The following ARHGEF28 variants were observed in gnomAD, a reference collection of about 807,000 sequenced individuals.
ARHGEF28 encodes 190 kDa guanine nucleotide exchange factor.
In ARHGEF28, 152 loss-of-function variants were observed where a neutral mutation model predicts 206.6. The ratio of observed to expected loss-of-function variants is 0.74; its 90% CI spans 0.64 to 0.84. The LOEUF (loss-of-function observed/expected upper bound fraction) is 0.84. Ranked by LOEUF, ARHGEF28 falls within the 40% of genes least tolerant of loss-of-function variation. The probability of loss-of-function intolerance (pLI) is 0.00; values close to 1 mark genes in which losing one functional copy is unlikely to be tolerated. For synonymous variants in ARHGEF28, 763 were observed against 776.4 expected (o/e 0.98, Z 0.29); for missense variants, 2,028 against 2,073.2 (o/e 0.98, Z 0.42).
chr5:73,884,696 C>T (rs565761185), intron 24 of ARHGEF28, among the ~76,000 whole-genome samples: 10 of 152,214 alleles, frequency 6.6e-5, no homozygotes, highest in Non-Finnish European at 1.0e-4. Flanking sequence ...TCAGTTATCT[C>T]CACTACGAAA....
At chr5:73,856,254 T>C (rs1759026581) in intron 14 of ARHGEF28, among the ~76,000 whole-genome samples, 1 of 152,194 alleles carries the variant, frequency 6.6e-6, no homozygotes, top group African/African-American at 2.4e-5. Context: ...AGCATGGAAG[T>C]AGAAAGGAAA....
At chr5:73,869,855 A>G (rs999285170) in intron 20 of ARHGEF28, among the ~76,000 whole-genome samples, 2 of 152,006 alleles carry the variant, frequency 1.3e-5, no homozygotes, top group Non-Finnish European at 2.9e-5. Context: ...TTGCAGTGAG[A>G]CGAGATCGCG....
At chr5:73,924,023 A>G (rs367482) in intron 35 of ARHGEF28, among the ~76,000 whole-genome samples, 43,973 of 152,030 alleles carry the variant, frequency 0.29, 8,422 homozygotes, top group African/African-American at 0.54. Flanking sequence ...ATGACCAAGA[A>G]CTGAATCAGA....
chr5:73,675,601 C>T (rs921220634), intron 1 of ARHGEF28, among the ~76,000 whole-genome samples: 1 of 151,362 alleles, frequency 6.6e-6, no homozygotes, highest in Non-Finnish European at 1.5e-5. Context: ...GGCGTGGTGA[C>T]GGGTGCCTGT....
chr5:73,744,993 T>G (rs562927945), intron 2 of ARHGEF28, among the ~76,000 whole-genome samples: 2 of 152,142 alleles, frequency 1.3e-5, no homozygotes, highest in East Asian at 1.9e-4. Context: ...TCAGAGGTCC[T>G]CAAACTGTCT....
At chr5:73,715,300 T>C (rs1225692676) in intron 2 of ARHGEF28, among the ~76,000 whole-genome samples, 1 of 152,198 alleles carries the variant, frequency 6.6e-6, no homozygotes, top group East Asian at 1.9e-4. Flanking sequence ...GACTCAATTG[T>C]GGTTGCCCCT....
chr5:73,803,641 T>C (rs1166299568), intron 9 of ARHGEF28: 2 of 155,250 alleles, frequency 1.3e-5, no homozygotes, highest in African/African-American at 2.4e-5. Context: ...GCCACTGCTG[T>C]CAGAATCTAT....
intron 1 of ARHGEF28, among the ~76,000 whole-genome samples, chr5:73,666,163 G>A (rs549934526): frequency 6.3e-4 from 96 of 152,300 alleles, no homozygotes; most frequent in Middle Eastern, 3.4e-3. Flanking sequence ...ACCTGCTCCT[G>A]AGTAAGTCTA....
chr5:73,840,457 A>T, intron 10 of ARHGEF28, 23 bp from the exon 11 acceptor site: 1 of 1,605,248 alleles, frequency 6.2e-7, no homozygotes, highest in Non-Finnish European at 8.5e-7. Flanking sequence ...TTACTCAGGA[A>T]ATGTTTTTCT....
At chr5:73,939,294 G>C (rs1742432163) in intron 35 of ARHGEF28, among the ~76,000 whole-genome samples, 1 of 152,178 alleles carries the variant, frequency 6.6e-6, no homozygotes, top group African/African-American at 2.4e-5. Flanking sequence ...CCTGTGCTCT[G>C]TAAATGGTGG....
intron 21 of ARHGEF28, among the ~76,000 whole-genome samples, chr5:73,872,659 T>A (rs762921244): frequency 2.3e-4 from 35 of 152,178 alleles, no homozygotes; most frequent in Non-Finnish European, 3.2e-4. Context: ...CAAACTAAGT[T>A]GTATTTCATA....
intron 2 of ARHGEF28, among the ~76,000 whole-genome samples, chr5:73,704,185 C>T (rs1306233005): frequency 2.0e-5 from 3 of 152,096 alleles, no homozygotes; most frequent in Non-Finnish European, 2.9e-5. Flanking sequence ...ACTATGTTGT[C>T]CTCATGATGT....
At chr5:73,937,748 G>T (rs1389255581) in intron 35 of ARHGEF28, among the ~76,000 whole-genome samples, 1 of 152,136 alleles carries the variant, frequency 6.6e-6, no homozygotes, top group Non-Finnish European at 1.5e-5. Context: ...AGTCAGTGAG[G>T]TTTAATATTA....
chr5:73,851,837 T>C (rs544275695), intron 13 of ARHGEF28, among the ~76,000 whole-genome samples: 25 of 152,314 alleles, frequency 1.6e-4, no homozygotes, highest in African/African-American at 6.0e-4. Context: ...CAACATTTGA[T>C]ATTACCCATT....
chr5:73,787,936 C>T (rs1315971149), intron 7 of ARHGEF28, among the ~76,000 whole-genome samples: 2 of 152,104 alleles, frequency 1.3e-5, no homozygotes, highest in East Asian at 3.8e-4. Flanking sequence ...ATTCTCCTCA[C>T]CACTTAGTTT....
intron 2 of ARHGEF28, among the ~76,000 whole-genome samples, chr5:73,746,525 A>G (rs1751725734): frequency 6.7e-6 from 1 of 148,746 alleles, no homozygotes. Flanking sequence ...GATCATGTCA[A>G]TGCAGATGAA....
At chr5:73,675,122 T>C (rs887053249) in intron 1 of ARHGEF28, among the ~76,000 whole-genome samples, 3 of 152,146 alleles carry the variant, frequency 2.0e-5, no homozygotes, top group Non-Finnish European at 4.4e-5. Context: ...ATCAGAAATG[T>C]GGGACAGTCT....
chr5:73,894,685 A>G (rs1291559588), intron 29 of ARHGEF28, 110 bp downstream of exon 29: 2 of 1,283,824 alleles, frequency 1.6e-6, no homozygotes, highest in African/African-American at 3.0e-5. Flanking sequence ...GCAGAACAAG[A>G]CAAGGTCCTT....
At chr5:73,771,595 T>C (rs1044765518) in intron 4 of ARHGEF28, among the ~76,000 whole-genome samples, 3 of 151,950 alleles carry the variant, frequency 2.0e-5, no homozygotes, top group Non-Finnish European at 4.4e-5. Flanking sequence ...CTGGTTAATA[T>C]CTCATGCTGA....
Sources: allele counts gnomAD v4.1 joint callset (sites outside exome capture counted in the v4.1 genomes callset), GRCh38; gene constraint gnomAD v4.1.1; transcripts MANE v1.5; gene names NCBI Gene and HGNC (gene_info 2026-07-23, HGNC 2026-07-21).